SPAG16: variants seen among roughly 807,000 people sequenced by gnomAD.
SPAG16 encodes sperm associated antigen 16, also known as sperm-associated antigen 16 protein.
Under a neutral mutation model 80.4 loss-of-function variants are expected in SPAG16, and 86 were observed. The observed-to-expected ratio is 1.07, with a 90% CI of 0.90 to 1.28. SPAG16 has a LOEUF of 1.28. SPAG16 is among the 50% of genes most tolerant of loss of function. The pLI, the probability that SPAG16 is intolerant of heterozygous loss-of-function variation, is 0.00. For synonymous variants in SPAG16, 294 were observed against 265.9 expected (o/e 1.11, Z -1.03); for missense variants, 870 against 765.3 (o/e 1.14, Z -1.61).
At chr2:213,443,914 G>C (rs2071138848) in intron 9 of SPAG16, among the ~76,000 whole-genome samples, 1 of 152,060 alleles carries the variant, frequency 6.6e-6, no homozygotes, top group Non-Finnish European at 1.5e-5. Flanking sequence ...GGCTCCTGTA[G>C]GTCGATTGTT....
chr2:213,822,203 C>T (rs1005829338), intron 10 of SPAG16, among the ~76,000 whole-genome samples: 2 of 152,154 alleles, frequency 1.3e-5, no homozygotes, highest in Admixed American at 6.5e-5. Context: ...ATATCCTTGC[C>T]ACCATTTGTT....
chr2:213,481,532 A>G (rs2073748592), intron 9 of SPAG16, among the ~76,000 whole-genome samples: 1 of 152,318 alleles, frequency 6.6e-6, no homozygotes, highest in Non-Finnish European at 1.5e-5. Flanking sequence ...GTAGCTACCC[A>G]TAAGCAATAA....
At chr2:214,009,414 C>T (rs1246964962) in intron 12 of SPAG16, among the ~76,000 whole-genome samples, 1 of 152,130 alleles carries the variant, frequency 6.6e-6, no homozygotes, top group Non-Finnish European at 1.5e-5. Context: ...GGATTATATT[C>T]CTGTGCTATG....
intron 5 of SPAG16, among the ~76,000 whole-genome samples, chr2:213,321,121 T>C (rs1575186012): frequency 6.6e-6 from 1 of 152,034 alleles, no homozygotes; most frequent in Non-Finnish European, 1.5e-5. Flanking sequence ...CAAAATAAAA[T>C]AGATATCAAA....
chr2:214,305,751 A>C (rs569132117), intron 15 of SPAG16, among the ~76,000 whole-genome samples: 1 of 152,242 alleles, frequency 6.6e-6, no homozygotes, highest in South Asian at 2.1e-4. Flanking sequence ...TTTTACCAGA[A>C]CCATGCTGTT....
chr2:213,945,250 T>C (rs1055568222), intron 12 of SPAG16, among the ~76,000 whole-genome samples: 1 of 149,408 alleles, frequency 6.7e-6, no homozygotes, highest in Non-Finnish European at 1.5e-5. Context: ...TGTGTATATA[T>C]ACAAGTTTAT....
intron 13 of SPAG16, among the ~76,000 whole-genome samples, chr2:214,082,442 A>G (rs2051446232): frequency 6.6e-6 from 1 of 152,174 alleles, no homozygotes; most frequent in South Asian, 2.1e-4. Flanking sequence ...TACTTTAGTT[A>G]TACTGCCATT....
chr2:214,247,970 G>A (rs965865097), intron 15 of SPAG16, among the ~76,000 whole-genome samples: 2 of 152,034 alleles, frequency 1.3e-5, no homozygotes, highest in Admixed American at 1.3e-4. Flanking sequence ...TGACGCTGCA[G>A]TGTGCCATGA....
chr2:213,315,077 T>A (rs561775086), intron 4 of SPAG16, among the ~76,000 whole-genome samples: 1 of 152,150 alleles, frequency 6.6e-6, no homozygotes, highest in South Asian at 2.1e-4. Flanking sequence ...AATTTATAAT[T>A]AGCTCTAATA....
At chr2:214,362,829 G>C (rs1699263531) in intron 15 of SPAG16, among the ~76,000 whole-genome samples, 2 of 151,702 alleles carry the variant, frequency 1.3e-5, no homozygotes, top group East Asian at 1.9e-4. Context: ...ATTCAGGGTG[G>C]AATGTGATGA....
intron 15 of SPAG16, among the ~76,000 whole-genome samples, chr2:214,338,637 A>G (rs1448450281): frequency 6.6e-6 from 1 of 152,222 alleles, no homozygotes; most frequent in Non-Finnish European, 1.5e-5. Context: ...TATTATCAAC[A>G]TAGCTTCTAA....
chr2:214,212,449 G>A (rs1420736276), intron 15 of SPAG16, among the ~76,000 whole-genome samples: 1 of 151,842 alleles, frequency 6.6e-6, no homozygotes, highest in Non-Finnish European at 1.5e-5. Flanking sequence ...TTCCTTTTTG[G>A]TTCACAGAAC....
chr2:214,377,107 G>A (rs544812311), intron 15 of SPAG16, among the ~76,000 whole-genome samples: 1 of 152,188 alleles, frequency 6.6e-6, no homozygotes, highest in African/African-American at 2.4e-5. Flanking sequence ...TGCTATTGTG[G>A]TGAGCTCAAG....
intron 13 of SPAG16, among the ~76,000 whole-genome samples, chr2:214,032,431 G>T (rs965550295): frequency 6.6e-6 from 1 of 152,170 alleles, no homozygotes; most frequent in Non-Finnish European, 1.5e-5. Flanking sequence ...ATAGTTATAA[G>T]TGAACAGAGC....
chr2:213,886,774 C>A (rs1355121718), intron 11 of SPAG16, among the ~76,000 whole-genome samples: 1 of 150,670 alleles, frequency 6.6e-6, no homozygotes, highest in Admixed American at 6.6e-5. Flanking sequence ...TTTTTCCAAC[C>A]AAAAAAAATG....
At chr2:214,082,952 C>G (rs2051483824) in intron 13 of SPAG16, among the ~76,000 whole-genome samples, 1 of 152,196 alleles carries the variant, frequency 6.6e-6, no homozygotes, top group Admixed American at 6.5e-5. Flanking sequence ...ATCACAAACT[C>G]TGACACTGAA....
At chr2:213,800,308 C>T (rs1215917356) in intron 10 of SPAG16, among the ~76,000 whole-genome samples, 1 of 148,746 alleles carries the variant, frequency 6.7e-6, no homozygotes, top group African/African-American at 2.5e-5. Flanking sequence ...CCCTCCCTTT[C>T]TCCTTCCCTC....
intron 11 of SPAG16, among the ~76,000 whole-genome samples, chr2:213,893,745 G>A (rs528300046): frequency 1.3e-5 from 2 of 151,674 alleles, no homozygotes; most frequent in East Asian, 1.9e-4. Context: ...GCCTATAATA[G>A]ATAAAGTAAA....
At chr2:213,510,339 T>G (rs2075172602) in intron 10 of SPAG16, among the ~76,000 whole-genome samples, 2 of 152,182 alleles carry the variant, frequency 1.3e-5, no homozygotes, top group South Asian at 4.1e-4. Context: ...TTGGGATACA[T>G]TTAATAAATT....
Sources: gnomAD v4.1 joint callset for allele counts (sites outside exome capture counted in the v4.1 genomes callset) on GRCh38, gnomAD v4.1.1 for gene constraint, MANE v1.5 for transcripts, NCBI Gene and HGNC (gene_info 2026-07-23, HGNC 2026-07-21) for gene names.